The following ARMH3 variants were observed in gnomAD, a reference collection of about 807,000 sequenced individuals.
ARMH3 encodes armadillo-like helical domain-containing protein 3.
In ARMH3, 60 loss-of-function variants were observed where a neutral mutation model predicts 99.1. That is an observed-to-expected ratio of 0.61 (90% confidence interval 0.49 to 0.75). The LOEUF (loss-of-function observed/expected upper bound fraction) is 0.75, where lower values mean the gene tolerates loss of function less well. Ranked by LOEUF, ARMH3 falls within the 30% of genes least tolerant of loss-of-function variation. The pLI is 0.00. For synonymous variants in ARMH3, 285 were observed against 292.8 expected (o/e 0.97, Z 0.27); for missense variants, 679 against 843.1 (o/e 0.81, Z 2.41).
intron 13 of ARMH3, among the ~76,000 whole-genome samples, chr10:102,007,406 C>G (rs2066524275): frequency 6.6e-6 from 1 of 150,696 alleles, no homozygotes; most frequent in Non-Finnish European, 1.5e-5. Flanking sequence ...AGAACATTTG[C>G]AATCCCATCC....
chr10:101,962,924 T>C (rs960336821), intron 20 of ARMH3, among the ~76,000 whole-genome samples: 1 of 151,962 alleles, frequency 6.6e-6, no homozygotes, highest in African/African-American at 2.4e-5. Context: ...CATAACAAAG[T>C]GACCAAAGGA....
chr10:102,005,175 C>T (rs2136079027), intron 14 of ARMH3, among the ~76,000 whole-genome samples: 1 of 151,954 alleles, frequency 6.6e-6, no homozygotes, highest in Non-Finnish European at 1.5e-5. Flanking sequence ...CCAGCCTAGG[C>T]AACAGTGCGA....
At chr10:102,017,475 G>A (rs921500697) in intron 8 of ARMH3, among the ~76,000 whole-genome samples, 4 of 152,134 alleles carry the variant, frequency 2.6e-5, no homozygotes, top group South Asian at 2.1e-4. Context: ...GCCAGGATTC[G>A]GATCACAATC....
chr10:101,973,359 CAA>C (rs56712768), intron 20 of ARMH3, among the ~76,000 whole-genome samples: 15 of 80,126 alleles, frequency 1.9e-4, no homozygotes, highest in East Asian at 2.9e-4. Flanking sequence ...GACTCCGTCT[CAA>C]AAAAAAAAAA....
chr10:102,047,233 T>C (rs1217884656), intron 1 of ARMH3, among the ~76,000 whole-genome samples: 1 of 152,212 alleles, frequency 6.6e-6, no homozygotes, highest in African/African-American at 2.4e-5. Context: ...TAATTTTTTT[T>C]CACTATTTTA....
intron 8 of ARMH3, among the ~76,000 whole-genome samples, chr10:102,020,201 T>C (rs1223578651): frequency 6.6e-6 from 1 of 151,700 alleles, no homozygotes; most frequent in South Asian, 2.1e-4. Context: ...AAAGAAAAAA[T>C]TTAATAAATT....
At chr10:101,939,838 G>A (rs1316179763) in intron 23 of ARMH3, 25 bp downstream of exon 23, 1 of 1,600,318 alleles carries the variant, frequency 6.2e-7, no homozygotes, top group Non-Finnish European at 8.6e-7. Flanking sequence ...AAGGAACTCT[G>A]CAAGAGATAC....
intron 1 of ARMH3, among the ~76,000 whole-genome samples, chr10:102,052,424 A>G (rs763166937): frequency 3.3e-5 from 5 of 152,062 alleles, no homozygotes; most frequent in African/African-American, 9.7e-5. Flanking sequence ...GGGTTTTGCT[A>G]TCTTGCCCAG....
chr10:101,903,741 T>C (rs181457419), intron 23 of ARMH3, among the ~76,000 whole-genome samples: 3 of 152,346 alleles, frequency 2.0e-5, no homozygotes, highest in African/African-American at 7.2e-5. Flanking sequence ...AAACTAAAGA[T>C]AAAAGTTATA....
chr10:101,851,910 G>A (rs1016507072), intron 24 of ARMH3, among the ~76,000 whole-genome samples: 14 of 152,288 alleles, frequency 9.2e-5, no homozygotes, highest in African/African-American at 3.1e-4. Flanking sequence ...CCCAGCAACA[G>A]CAGTCACCCA....
intron 24 of ARMH3, among the ~76,000 whole-genome samples, chr10:101,861,185 T>C (rs1013754556): frequency 2.6e-5 from 4 of 152,000 alleles, no homozygotes; most frequent in East Asian, 3.8e-4. Flanking sequence ...AAAGGAAGAA[T>C]AGTAAAATCA....
chr10:101,890,140 C>A (rs542574584), intron 23 of ARMH3, among the ~76,000 whole-genome samples: 1 of 151,620 alleles, frequency 6.6e-6, no homozygotes, highest in South Asian at 2.1e-4. Flanking sequence ...CCTGGTGTAG[C>A]AAAAAGAACA....
intron 24 of ARMH3, among the ~76,000 whole-genome samples, chr10:101,884,236 T>C (rs1222985648): frequency 6.6e-6 from 1 of 152,158 alleles, no homozygotes; most frequent in East Asian, 1.9e-4. Context: ...AAGTTCCTAA[T>C]GTCAGAAACC....
At chr10:101,964,906 G>A (rs993236522) in intron 20 of ARMH3, among the ~76,000 whole-genome samples, 22 of 151,868 alleles carry the variant, frequency 1.4e-4, no homozygotes, top group Admixed American at 6.6e-5. Context: ...CCAGCTACTC[G>A]GGAGGCTGAG....
Position 102,009,960 on chromosome 10 carries a change from G to A in ARMH3, c.878+17C>T, listed in dbSNP as rs779887802. On this transcript the variant is annotated intron_variant, in intron 12 of 25. Transcript: ENST00000370033. ...CACTAAAGTCCAAGTCACTGCACAAGAATGTCAGGCACTTACTGTACTGAG... is the reference window on the plus strand; with the variant it reads ...CACTAAAGTCCAAGTCACTGCACAAAAATGTCAGGCACTTACTGTACTGAG... The A allele has an allele frequency of 1.9e-6, 3 of 1,611,758 alleles. No homozygotes were observed. In the South Asian group the frequency reaches 3.3e-5, roughly 18 times the overall value.
At chr10:101,919,345 A>G (rs1364414808) in intron 23 of ARMH3, among the ~76,000 whole-genome samples, 1 of 152,208 alleles carries the variant, frequency 6.6e-6, no homozygotes, top group Non-Finnish European at 1.5e-5. Flanking sequence ...ATTCAAAGGC[A>G]GAGTGACACA....
At chr10:102,012,175 C>T (rs1315983564) in intron 10 of ARMH3, among the ~76,000 whole-genome samples, 1 of 152,228 alleles carries the variant, frequency 6.6e-6, no homozygotes, top group African/African-American at 2.4e-5. Context: ...ACTAAACTCT[C>T]TGCAGAGATG....
At chr10:101,896,261 A>AAACAAT (rs1357744571) in intron 23 of ARMH3, among the ~76,000 whole-genome samples, 1 of 152,000 alleles carries the variant, frequency 6.6e-6, no homozygotes, top group African/African-American at 2.4e-5. Context: ...CAAACAAACA[A>AAACAAT]AACAATAACA....
intron 23 of ARMH3, among the ~76,000 whole-genome samples, chr10:101,914,929 C>T (rs775445377): frequency 2.6e-5 from 4 of 151,004 alleles, no homozygotes; most frequent in African/African-American, 9.7e-5. Flanking sequence ...ATTTATTTCC[C>T]TATTAAAACT....
Sources: allele counts gnomAD v4.1 joint callset (sites outside exome capture counted in the v4.1 genomes callset), GRCh38; gene constraint gnomAD v4.1.1; transcripts MANE v1.5; gene names NCBI Gene and HGNC (gene_info 2026-07-23, HGNC 2026-07-21).